Variants in LAMA2 observed in about 807,000 individuals in gnomAD.
The protein encoded by LAMA2 is laminin subunit alpha-2.
LAMA2 carries 269 observed loss-of-function variants against 364.8 expected under a neutral mutation model. That is an observed-to-expected ratio of 0.74 (90% CI 0.67 to 0.82). The LOEUF (loss-of-function observed/expected upper bound fraction) is 0.82, where lower values mean the gene tolerates loss of function less well. Ranked by LOEUF, LAMA2 falls within the 40% of genes least tolerant of loss-of-function variation. The probability of loss-of-function intolerance (pLI) is 0.00; values close to 1 mark genes in which losing one functional copy is unlikely to be tolerated. For missense variants in LAMA2, 3,807 were observed against 3,873.2 expected (o/e 0.98, Z 0.45); for synonymous variants, 1,379 against 1,370.6 (o/e 1.01, Z -0.14).
intron 17 of LAMA2, among the ~76,000 whole-genome samples, chr6:129,272,448 G>T (rs1788004561): frequency 6.6e-6 from 1 of 152,148 alleles, no homozygotes; most frequent in Non-Finnish European, 1.5e-5. Flanking sequence ...TCTAAGAGCT[G>T]ATTGTTATTA....
intron 4 of LAMA2, among the ~76,000 whole-genome samples, chr6:129,126,696 TA>T (rs113600301): frequency 0.038 from 5,851 of 152,084 alleles, 384 homozygotes; most frequent in African/African-American, 0.13. Context: ...ATACAAATTT[TA>T]AAAAAAATAA....
At chr6:129,152,014 A>C (rs1034801852) in intron 7 of LAMA2, among the ~76,000 whole-genome samples, 1 of 152,232 alleles carries the variant, frequency 6.6e-6, no homozygotes, top group Non-Finnish European at 1.5e-5. Context: ...ACTATATTCT[A>C]AATCAAATGT....
At chr6:129,201,415 A>T (rs1260236777) in intron 12 of LAMA2, among the ~76,000 whole-genome samples, 4 of 152,184 alleles carry the variant, frequency 2.6e-5, no homozygotes, top group Non-Finnish European at 5.9e-5. Context: ...AGTTGCAAAT[A>T]TGTGAAAGAA....
chr6:129,317,557 G>A (rs1457563984), intron 27 of LAMA2, among the ~76,000 whole-genome samples: 1 of 151,708 alleles, frequency 6.6e-6, no homozygotes, highest in East Asian at 1.9e-4. Context: ...GTTTCCTTTT[G>A]ATATTTCTCA....
chr6:129,504,700 A>G (rs182330727), intron 60 of LAMA2, among the ~76,000 whole-genome samples: 1 of 152,354 alleles, frequency 6.6e-6, no homozygotes, highest in East Asian at 1.9e-4. Flanking sequence ...TTCTGCAGAA[A>G]GTAGTGCAGC....
At chr6:129,328,108 A>G (rs2114532207) in intron 28 of LAMA2, among the ~76,000 whole-genome samples, 170 bp from the exon 29 acceptor site, 1 of 152,362 alleles carries the variant, frequency 6.6e-6, no homozygotes, top group Non-Finnish European at 1.5e-5. Flanking sequence ...CTTGGAGACC[A>G]GGAAGAAATA....
intron 1 of LAMA2, chr6:128,929,987 A>ACGG (rs1779357441): frequency 8.6e-6 from 5 of 583,626 alleles, no homozygotes; most frequent in Middle Eastern, 4.9e-4. Context: ...ATCTTTGCGC[A>ACGG]CGGCGGCGTT....
Position 129,315,633 on chromosome 6 carries a change from C to T in LAMA2, c.3713C>T (p.Pro1238Leu). The T allele has an allele frequency of 6.2e-7, 1 of 1,614,114 alleles. No homozygotes were observed. The highest frequency in any genetic ancestry group is 1.1e-5 in the South Asian group (1 of 91,072). ...LHLEPFYWKLPEQFEGKKLMA... is the reference protein window; with the variant it reads ...LHLEPFYWKLLEQFEGKKLMA... ...TTGGAACCTTTTTATTGGAAACTTC[C>T]AGAACAATTTGAAGGAAAGAAGGTA... The change falls in exon 25 of 65, where the codon CCA becomes CTA. Residue 1238 changes from proline to leucine, a missense_variant. Pro to Leu is a moderately conservative substitution (Grantham distance 98). Around this residue, in one of 3 missense-constraint regions of LAMA2, gnomAD observed 3,333 missense variants for 3,345.7 expected, o/e 1.00. Coordinates refer to ENST00000421865, the MANE Select transcript of LAMA2 (RefSeq NM_000426.4).
intron 40 of LAMA2, among the ~76,000 whole-genome samples, chr6:129,419,191 A>G (rs572151510): frequency 6.6e-6 from 1 of 152,284 alleles, no homozygotes; most frequent in South Asian, 2.1e-4. Flanking sequence ...TAGATGTCTC[A>G]GGGTTTGTGT....
Position 129,313,055 on chromosome 6 carries a change from A to C in LAMA2, c.3369A>C (p.Lys1123Asn). The C allele has an allele frequency of 6.2e-7, 1 of 1,614,032 alleles. No homozygotes were observed. Among genetic ancestry groups the C allele is most frequent in the Non-Finnish European group, 8.5e-7 (1 of 1,179,868 alleles). Reference protein sequence around the residue: ...TDATTCDSETKKCSCSDQTGQ... With the variant: ...TDATTCDSETNKCSCSDQTGQ... ...CCACAACCTGTGATTCAGAGACTAAAAAATGCTCCTGTAGTGATCAAACTG... is the reference window on the plus strand; with the variant it reads ...CCACAACCTGTGATTCAGAGACTAACAAATGCTCCTGTAGTGATCAAACTG... The change falls in exon 23 of 65, where the codon AAA becomes AAC. Residue 1123 changes from lysine (K) to asparagine (N), a missense_variant. Coordinates refer to ENST00000421865, the MANE Select transcript of LAMA2 (RefSeq NM_000426.4).
At chr6:129,023,745 T>A (rs1279764949) in intron 1 of LAMA2, among the ~76,000 whole-genome samples, 2 of 152,252 alleles carry the variant, frequency 1.3e-5, no homozygotes, top group African/African-American at 4.8e-5. Flanking sequence ...TATCTTGTTC[T>A]TAGTCTTGCC....
rs749436735 is a variant in LAMA2, at chr6:129,478,695, C to T, written c.7454C>T (p.Pro2485Leu). 2 of 1,613,354 alleles carry T rather than the reference C, an allele frequency of 1.2e-6. No individual in the cohort carries two copies. Among genetic ancestry groups the T allele is most frequent in the Non-Finnish European group, 1.7e-6 (2 of 1,179,524 alleles). Residue 2485 changes from proline (P) to leucine (L), a missense_variant and splice_region_variant, in exon 54 of 65, where the codon CCA becomes CTA. Around this residue, in one of 3 missense-constraint regions of LAMA2, gnomAD observed 3,333 missense variants for 3,345.7 expected, o/e 1.00. Transcript: ENST00000421865. ...CTTTTCATTTGACTATTCAATAGGC[C>T]AGAAGTAAATCTGAAGAAATATTCC... ...TLRNLSMKAR[P>L]EVNLKKYSGC...
chr6:129,366,125 C>T (rs1390881618), intron 32 of LAMA2, 94 bp from the exon 33 acceptor site: 12 of 1,316,990 alleles, frequency 9.1e-6, no homozygotes, highest in Admixed American at 3.4e-5. Flanking sequence ...TGGAATTATT[C>T]TTGGACCATA....
intron 2 of LAMA2, among the ~76,000 whole-genome samples, chr6:129,058,056 C>A (rs559439267): frequency 3.9e-5 from 6 of 152,230 alleles, no homozygotes; most frequent in African/African-American, 1.4e-4. Context: ...GCAAATGTGC[C>A]GACTTTCTAG....
At chr6:129,055,176 T>TTTATTATTATTTATTATTATTATTA (rs543816872) in intron 2 of LAMA2, among the ~76,000 whole-genome samples, 43 of 123,752 alleles carry the variant, frequency 3.5e-4, no homozygotes, top group African/African-American at 1.4e-3. Context: ...ATTATTATTA[T>TTTATTATTATTTATTATTATTATTA]TTATTATTAT....
chr6:129,027,586 T>C lies in LAMA2; in HGVS notation c.113-22332T>C, dbSNP rs116326012. Among the ~76,000 whole-genome samples, 1,215 of 152,062 alleles carry C rather than the reference T, an allele frequency of 8.0e-3. 13 individuals are homozygous for C. The highest frequency in any genetic ancestry group is 0.027 in the African/African-American group (1,133 of 41,534). On this transcript the variant is annotated intron_variant, in intron 1 of 64. Transcript: ENST00000421865. ...ATCAAACAATGATTCTTTTTAATGG[T>C]AACTTGTGTTTTTTAATGTTAAAGA...
At chr6:129,514,809 G>C (rs918091550) in intron 64 of LAMA2, among the ~76,000 whole-genome samples, 1 of 152,134 alleles carries the variant, frequency 6.6e-6, no homozygotes, top group South Asian at 2.1e-4. Flanking sequence ...CTTTTCATGA[G>C]AGCCCCCAAA....
chr6:129,165,819 C>T (rs759786136), intron 9 of LAMA2, 144 bp downstream of exon 9: 22 of 659,690 alleles, frequency 3.3e-5, no homozygotes, highest in Non-Finnish European at 5.8e-5. Context: ...AGCGTTCCCT[C>T]CAGGAAGTAG....
chr6:129,131,945 T>G (rs1221102963), intron 4 of LAMA2, among the ~76,000 whole-genome samples: 1 of 152,116 alleles, frequency 6.6e-6, no homozygotes, highest in East Asian at 1.9e-4. Context: ...CTCCATCACG[T>G]TCTTCTGTTT....
Sources: allele counts gnomAD v4.1 joint callset (sites outside exome capture counted in the v4.1 genomes callset), GRCh38; gene constraint gnomAD v4.1.1; regional missense constraint gnomAD v4.1.1; transcripts MANE v1.5; gene names NCBI Gene and HGNC (gene_info 2026-07-23, HGNC 2026-07-21).